NBN: variants seen among roughly 807,000 people sequenced by gnomAD.
NBN encodes the protein nibrin, also known as Nijmegen breakage syndrome 1 (nibrin).
NBN carries 88 observed loss-of-function variants against 90.8 expected under a neutral mutation model. The observed-to-expected ratio is 0.97, with a 90% CI of 0.82 to 1.16. NBN has a LOEUF of 1.16. Among genes scored for constraint, NBN ranks in the 50% most tolerant of loss-of-function variants. The pLI is 0.00. For missense variants in NBN, 894 were observed against 869.6 expected, an observed-to-expected ratio of 1.03 and a Z score of -0.35; for synonymous variants, 328 against 295.1, an observed-to-expected ratio of 1.11 and a Z score of -1.14.
At chr8:89,935,746 TACTAAGCAC>T in intron 15 of NBN, 134 bp from the exon 16 acceptor site, 1 of 1,032,246 alleles carries the variant, frequency 9.7e-7, no homozygotes, top group Non-Finnish European at 1.4e-6. Flanking sequence ...TAGGATCAGA[TACTAAGCAC>T]TGACATTTTT....
intron 4 of NBN, among the ~76,000 whole-genome samples, chr8:89,978,857 A>C (rs1811903902): frequency 6.6e-6 from 1 of 152,258 alleles, no homozygotes; most frequent in South Asian, 2.1e-4. Context: ...AGTGGAAAAA[A>C]AGAAACTTAA....
At chr8:89,948,476 C>G (rs985546476) in intron 11 of NBN, among the ~76,000 whole-genome samples, 2 of 152,134 alleles carry the variant, frequency 1.3e-5, no homozygotes, top group East Asian at 1.9e-4. Context: ...TGAAGACTGC[C>G]TTGTATATTA....
Position 89,982,483 on chromosome 8 carries a change from A to C in NBN, c.171+239T>G, listed in dbSNP as rs989556962. 1.8e-5 allele frequency: 10 copies of C among 552,046 alleles called. No individual in the cohort carries two copies. In the African/African-American group the frequency reaches 1.9e-4, roughly 10 times the overall value. 34.2% of individuals were successfully genotyped at this position (552,046 alleles called of 1,614,324 possible). A position where few individuals can be genotyped will look rare whatever the true frequency, so the allele number is the denominator to read the frequency against. On this transcript the variant is annotated intron_variant, in intron 2 of 15. Transcript: ENST00000265433. The stretch of plus-strand genomic sequence containing the variant: ...AAATAACTATGTCCTACTTCCTCTG[A>C]GTTTCTAACTAAAACAAAGAGTAAA...
chr8:89,947,953 CT>C (rs1249097895), intron 11 of NBN, 61 bp from the exon 12 acceptor site: 1 of 1,005,078 alleles, frequency 9.9e-7, no homozygotes, highest in African/African-American at 1.6e-5. Flanking sequence ...GTTTCTATCA[CT>C]TCTTGGCCTT....
chr8:89,937,270 A>T, intron 14 of NBN, 195 bp from the exon 15 acceptor site: 1 of 585,082 alleles, frequency 1.7e-6, no homozygotes, highest in Admixed American at 2.9e-5. Flanking sequence ...ATTACAAAAG[A>T]GCTCTAACTA....
In NBN at chr8:89,933,459, A is replaced by C. The variant is rs1809527899; in HGVS notation, c.*2123T>G. 8.7e-6 allele frequency: 2 copies of C among 229,340 alleles called. No individual in the cohort carries two copies. Among genetic ancestry groups the C allele is most frequent in the African/African-American group, 2.2e-5 (1 of 45,114 alleles). 14.2% of individuals were successfully genotyped at this position (229,340 alleles called of 1,614,324 possible). Reference sequence around the variant, plus strand: ...GACAAACATTTCAGTGTAACCAAACAGAAAGTCCAGAAACAGATCCACCAT... The same window carrying C: ...GACAAACATTTCAGTGTAACCAAACCGAAAGTCCAGAAACAGATCCACCAT... On this transcript the variant is annotated 3_prime_UTR_variant, in exon 16 of 16. Transcript: ENST00000265433.
chr8:89,963,887 A>G (rs1287539197), intron 8 of NBN, among the ~76,000 whole-genome samples: 1 of 152,152 alleles, frequency 6.6e-6, no homozygotes, highest in Non-Finnish European at 1.5e-5. Context: ...CATTCTATTC[A>G]CATCTCCTCT....
chr8:89,964,370 T>C (rs748682704), intron 8 of NBN, 40 bp downstream of exon 8: 10 of 1,607,258 alleles, frequency 6.2e-6, no homozygotes, highest in Middle Eastern at 1.7e-4. Context: ...ATTTACATAA[T>C]AAAGTTGCTA....
intron 11 of NBN, among the ~76,000 whole-genome samples, chr8:89,952,393 CAGA>C (rs1258589132): frequency 2.6e-5 from 4 of 152,132 alleles, no homozygotes; most frequent in Non-Finnish European, 4.4e-5. Context: ...TAGGATCACT[CAGA>C]AGAAGTAACA....
At chr8:89,936,085 C>T (rs1291350425) in intron 15 of NBN, 3 of 371,548 alleles carry the variant, frequency 8.1e-6, no homozygotes, top group African/African-American at 4.9e-5. Flanking sequence ...TGTCTGTCAA[C>T]ACTTTTTTTT....
intron 14 of NBN, chr8:89,937,372 T>G: frequency 2.6e-6 from 1 of 386,846 alleles, no homozygotes; most frequent in Non-Finnish European, 4.9e-6. Context: ...AGCAAAACCC[T>G]TTTACTAAAT....
chr8:89,937,632 G>A (rs1366898014), intron 14 of NBN, among the ~76,000 whole-genome samples: 1 of 152,140 alleles, frequency 6.6e-6, no homozygotes, highest in East Asian at 1.9e-4. Context: ...CTAAAGTCTA[G>A]CTATGCCCTT....
At chr8:89,956,158 G>A (rs1373188308) in intron 9 of NBN, among the ~76,000 whole-genome samples, 1 of 150,194 alleles carries the variant, frequency 6.7e-6, no homozygotes, top group African/African-American at 2.4e-5. Flanking sequence ...TACAAAGTAT[G>A]GTTAAATTAG....
Position 89,980,748 on chromosome 8 carries a change from T to C in NBN, c.466A>G (p.Lys156Glu). 1 of 1,612,796 alleles carries C rather than the reference T, an allele frequency of 6.2e-7. No homozygotes were observed. ...ECTHLVMVSVKVTIKTICALI... is the reference protein window; with the variant it reads ...ECTHLVMVSVEVTIKTICALI... ...ATTCAACCTACTTTAATGGTAACTT[T>C]CACTGATACCATGACAAGGTGAGTG... The change falls in exon 4 of 16, where the codon AAA becomes GAA. Residue 156 changes from lysine (K) to glutamate (E), a missense_variant. Lys to Glu is a moderately conservative substitution (Grantham distance 56). Coordinates refer to ENST00000265433, the MANE Select transcript of NBN (RefSeq NM_002485.5).
In NBN at chr8:89,964,605, A is replaced by G. The variant is rs544105067; in HGVS notation, c.897-98T>C. 9 of 1,217,448 alleles carry G rather than the reference A, an allele frequency of 7.4e-6. No homozygotes were observed. The South Asian group carries it at 8.0e-5, about 11-fold the overall frequency. The allele number at this position is 1,217,448 out of a possible 1,614,324, so 75.4% of individuals were successfully genotyped here. A position where few individuals can be genotyped will look rare whatever the true frequency, so the allele number is the denominator to read the frequency against. On this transcript the variant is annotated intron_variant, in intron 7 of 15. Coordinates refer to ENST00000265433, the MANE Select transcript of NBN (RefSeq NM_002485.5). ...AAAGCAACCTCTTTTTTTTCCTCCCAAATAATTTTATGGTATAGACAGAAT... is the reference window on the plus strand; with the variant it reads ...AAAGCAACCTCTTTTTTTTCCTCCCGAATAATTTTATGGTATAGACAGAAT...
intron 10 of NBN, 42 bp downstream of exon 10, chr8:89,955,241 A>G (rs748189054): frequency 2.6e-6 from 4 of 1,549,526 alleles, no homozygotes; most frequent in Non-Finnish European, 2.7e-6. Context: ...AAAAACTTTC[A>G]TTTTTTTTTC....
Position 89,934,964 on chromosome 8 carries a change from C to A in NBN, c.*618G>T. 4.3e-6 allele frequency: 1 copy of A among 232,712 alleles called. No individual in the cohort carries two copies. The highest frequency in any genetic ancestry group is 8.5e-6 in the Non-Finnish European group (1 of 117,822). 14.4% of individuals were successfully genotyped at this position (232,712 alleles called of 1,614,324 possible). ...GAAGTCTCCACATGGTCTTCAGTTT[C>A]TAGTACTAGAATAACATGTAGGTGA... On this transcript the variant is annotated 3_prime_UTR_variant, in exon 16 of 16. Transcript: ENST00000265433.
intron 1 of NBN, among the ~76,000 whole-genome samples, chr8:89,983,165 A>C (rs1399341564): frequency 6.6e-6 from 1 of 152,178 alleles, no homozygotes; most frequent in African/African-American, 2.4e-5. Flanking sequence ...CATTTTTCTA[A>C]AGGGAAAGCA....
intron 4 of NBN, among the ~76,000 whole-genome samples, 200 bp from the exon 5 acceptor site, chr8:89,978,523 A>G (rs1332478953): frequency 6.6e-6 from 1 of 152,228 alleles, no homozygotes; most frequent in Non-Finnish European, 1.5e-5. Flanking sequence ...TTAGAACATA[A>G]ATCACAGTAT....
Sources: gnomAD v4.1 joint callset for allele counts (sites outside exome capture counted in the v4.1 genomes callset) on GRCh38, gnomAD v4.1.1 for gene constraint, MANE v1.5 for transcripts, NCBI Gene and HGNC (gene_info 2026-07-23, HGNC 2026-07-21) for gene names.